The following MESP2 variants were observed in gnomAD, a reference collection of about 807,000 sequenced individuals.
MESP2 encodes the protein mesoderm posterior protein 2.
In MESP2, 34 loss-of-function variants were observed where a neutral mutation model predicts 37.8. The ratio of observed to expected loss-of-function variants is 0.90; its 90% CI spans 0.68 to 1.20. The LOEUF is 1.20. MESP2 is among the 50% of genes most tolerant of loss of function. MESP2 has a pLI of 0.00. For synonymous variants in MESP2, 303 were observed against 251.6 expected (o/e 1.20, Z -1.93); for missense variants, 646 against 545.3 (o/e 1.18, Z -1.84).
chr15:89,776,571 A>C lies in MESP2; in HGVS notation c.214A>C (p.Arg72=). The C allele has an allele frequency of 6.5e-7, 1 of 1,532,096 alleles. No homozygotes were observed. The highest frequency in any genetic ancestry group is 2.5e-5 in the East Asian group (1 of 40,142). 94.9% of individuals were successfully genotyped at this position (1,532,096 alleles called of 1,614,324 possible). A position where few individuals can be genotyped will look rare whatever the true frequency, so the allele number is the denominator to read the frequency against. The change falls in exon 1 of 2, where the codon AGA becomes CGA. Residue 72 remains arginine (R), a synonymous_variant. Coordinates refer to ENST00000341735, the MANE Select transcript of MESP2 (RefSeq NM_001039958.2). ...CGCAGAGGCAGCCGCGACGACGCCCAGACGAGCGCGCACCGGACCAGCGGG... is the reference window on the plus strand; with the variant it reads ...CGCAGAGGCAGCCGCGACGACGCCCCGACGAGCGCGCACCGGACCAGCGGG... ...RAAEAAATTP[R]RARTGPAGGQ...
rs1596154183 is a variant in MESP2 at position 89,776,426 on chromosome 15, C to T, written c.69C>T (p.Gly23=). ...ACTGGATCTTCGCCCAGGGCTGGGG[C>T]TGGGCCGGCCACTGGGACTCCACGT... ...HDHWIFAQGW[G]WAGHWDSTSP... The change falls in exon 1 of 2, where the codon GGC becomes GGT. Residue 23 remains glycine (G), a synonymous_variant. Transcript: ENST00000341735. The T allele has an allele frequency of 1.3e-6, 2 of 1,533,474 alleles. No individual in the cohort carries two copies. Among genetic ancestry groups the T allele is most frequent in the East Asian group, 2.5e-5 (1 of 40,712 alleles). The allele number at this position is 1,533,474 out of a possible 1,614,324, so 95.0% of individuals were successfully genotyped here. A position where few individuals can be genotyped will look rare whatever the true frequency, so the allele number is the denominator to read the frequency against.
At position 89,778,501 on chromosome 15, in the gene MESP2, T is replaced by TGACTCCATCCAG; in HGVS notation, c.*168_*169insACTCCATCCAGG. 4 of 899,432 alleles carry TGACTCCATCCAG rather than the reference T, an allele frequency of 4.4e-6. No homozygotes were observed. The highest frequency in any genetic ancestry group is 2.6e-5 in the East Asian group (1 of 37,854). The allele number at this position is 899,432 out of a possible 1,614,324, so 55.7% of individuals were successfully genotyped here. ...TGAAATAGATAGCGGGTACCTTCCC[T>TGACTCCATCCAG]GGATGGAGTCAGGGCGGGGGCACTG... On this transcript the variant is annotated 3_prime_UTR_variant, in exon 2 of 2. Coordinates refer to ENST00000341735, the MANE Select transcript of MESP2 (RefSeq NM_001039958.2).
chr15:89,776,793 C>G lies in MESP2; in HGVS notation c.436C>G (p.Leu146Val). ...CGTGCTGGGTCTCAGCGAGGAGAGT[C>G]TGCAGTGCCGGCGCAGGCAGCGCGG... ...SAVLGLSEES[L>V]QCRRRQRGDA... is the part of the protein sequence containing the mutation. Residue 146 changes from leucine to valine, a missense_variant, in exon 1 of 2, where the codon CTG becomes GTG. Leu to Val is a conservative substitution (Grantham distance 32). Transcript: ENST00000341735. The G allele has an allele frequency of 6.7e-7, 1 of 1,498,204 alleles. No homozygotes were observed. Among genetic ancestry groups the G allele is most frequent in the Non-Finnish European group, 8.8e-7 (1 of 1,131,596 alleles). The allele number at this position is 1,498,204 out of a possible 1,614,324, so 92.8% of individuals were successfully genotyped here.
Position 89,776,531 on chromosome 15 carries a change from C to T in MESP2, c.174C>T (p.Ser58=). ...GACTCCCGCAGCCACAGCCTCCGAG[C>T]TGCAGCTCCCGAGCCGCAGAGGCAG... The part of the protein sequence containing the change: ...ARGLPQPQPP[S]CSSRAAEAAA... The change falls in exon 1 of 2, where the codon AGC becomes AGT. Residue 58 remains serine (S), a synonymous_variant. Coordinates refer to ENST00000341735, the MANE Select transcript of MESP2 (RefSeq NM_001039958.2). 6.5e-7 allele frequency: 1 copy of T among 1,532,754 alleles called. No homozygotes were observed. Among genetic ancestry groups the T allele is most frequent in the Admixed American group, 2.0e-5 (1 of 50,846 alleles). The allele number at this position is 1,532,754 out of a possible 1,614,324, so 94.9% of individuals were successfully genotyped here. A position where few individuals can be genotyped will look rare whatever the true frequency, so the allele number is the denominator to read the frequency against.
Position 89,776,710 on chromosome 15 carries a change from G to T in MESP2, c.353G>T (p.Ser118Ile). The change falls in exon 1 of 2, where the codon AGC becomes ATC. Residue 118 changes from serine to isoleucine, a missense_variant. Physicochemically the swap from Ser to Ile is moderately radical, Grantham distance 142 (BLOSUM62 -2). Coordinates refer to ENST00000341735, the MANE Select transcript of MESP2 (RefSeq NM_001039958.2). Reference protein sequence around the residue: ...LPPSLAPAGQSLTKIETLRLA... With the variant: ...LPPSLAPAGQILTKIETLRLA... The stretch of plus-strand genomic sequence containing the variant: ...CCCTCCTTGGCGCCGGCCGGCCAGA[G>T]CCTGACCAAGATCGAGACGCTGCGC... 3 of 1,565,178 alleles carry T rather than the reference G, an allele frequency of 1.9e-6. No homozygotes were observed. Among genetic ancestry groups the T allele is most frequent in the Non-Finnish European group, 2.6e-6 (3 of 1,161,614 alleles).
Position 89,776,400 on chromosome 15 carries a change from C to A in MESP2, c.43C>A (p.His15Asn). 1 of 1,532,726 alleles carries A rather than the reference C, an allele frequency of 6.5e-7. No individual in the cohort carries two copies. Among genetic ancestry groups the A allele is most frequent in the South Asian group, 1.2e-5 (1 of 83,528 alleles). The allele number at this position is 1,532,726 out of a possible 1,614,324, so 94.9% of individuals were successfully genotyped here. The change falls in exon 1 of 2, where the codon CAC (histidine) becomes AAC (asparagine). Residue 15 changes from histidine to asparagine, a missense_variant. Coordinates refer to ENST00000341735, the MANE Select transcript of MESP2 (RefSeq NM_001039958.2). ...PPPQSLLGHD[H>N]WIFAQGWGWA... is the part of the protein sequence containing the mutation. ...TCCGCAGAGCCTCCTCGGCCACGAC[C>A]ACTGGATCTTCGCCCAGGGCTGGGG...
At position 89,778,187 on chromosome 15, in the gene MESP2, G is replaced by A. The variant is rs747926651; in HGVS notation, c.1047G>A (p.Val349=). ...GGTGCTGGAGCCACAGTGCAGAGGT[G>A]GTGCCCAACTCAGAGGACCAGGGAC... ...PGRCWSHSAE[V]VPNSEDQGPG... The change falls in exon 2 of 2, where the codon GTG becomes GTA. Residue 349 remains valine (V), a synonymous_variant. Coordinates refer to ENST00000341735, the MANE Select transcript of MESP2 (RefSeq NM_001039958.2). 8.1e-6 allele frequency: 13 copies of A among 1,613,594 alleles called. No homozygotes were observed. Among genetic ancestry groups the A allele is most frequent in the Non-Finnish European group, 1.0e-5 (12 of 1,180,016 alleles).
At position 89,777,067 on chromosome 15, in the gene MESP2, G is replaced by A. The variant is rs1968380529; in HGVS notation, c.710G>A (p.Gly237Glu). Residue 237 changes from glycine (G) to glutamate (E), a missense_variant, in exon 1 of 2, where the codon GGG becomes GAG. Transcript: ENST00000341735. ...PGAQAAPERL[G>E]RGVHDTDPWA... Reference sequence around the variant, plus strand: ...GCCCAAGCCGCACCCGAGCGCCTGGGGAGGGGGGTCCACGACACGGATCCC... The same window carrying A: ...GCCCAAGCCGCACCCGAGCGCCTGGAGAGGGGGGTCCACGACACGGATCCC... The A allele has an allele frequency of 6.2e-7, 1 of 1,610,650 alleles. No individual in the cohort carries two copies. Among genetic ancestry groups the A allele is most frequent in the Non-Finnish European group, 8.5e-7 (1 of 1,179,268 alleles).
At position 89,776,585 on chromosome 15, in the gene MESP2, C is replaced by A. The variant is rs1325785601; in HGVS notation, c.228C>A (p.Thr76=). Residue 76 remains threonine (T), a synonymous_variant, in exon 1 of 2, where the codon ACC becomes ACA. Coordinates refer to ENST00000341735, the MANE Select transcript of MESP2 (RefSeq NM_001039958.2). ...AAATTPRRAR[T]GPAGGQRQSA... ...CGACGACGCCCAGACGAGCGCGCAC[C>A]GGACCAGCGGGCGGACAGCGGCAGA... 7 of 1,528,238 alleles carry A rather than the reference C, an allele frequency of 4.6e-6. No individual in the cohort carries two copies. Among genetic ancestry groups the A allele is most frequent in the South Asian group, 1.2e-5 (1 of 83,100 alleles). 94.7% of individuals were successfully genotyped at this position (1,528,238 alleles called of 1,614,324 possible).
At position 89,776,783 on chromosome 15, in the gene MESP2, C is replaced by A; in HGVS notation, c.426C>A (p.Ser142Arg). 6.6e-7 allele frequency: 1 copy of A among 1,514,914 alleles called. No individual in the cohort carries two copies. Among genetic ancestry groups the A allele is most frequent in the Non-Finnish European group, 8.8e-7 (1 of 1,138,392 alleles). 93.8% of individuals were successfully genotyped at this position (1,514,914 alleles called of 1,614,324 possible). A position where few individuals can be genotyped will look rare whatever the true frequency, so the allele number is the denominator to read the frequency against. The change falls in exon 1 of 2, where the codon AGC (serine) becomes AGA (arginine). Residue 142 changes from serine to arginine, a missense_variant. Transcript: ENST00000341735. ...ACCTATCGGCCGTGCTGGGTCTCAG[C>A]GAGGAGAGTCTGCAGTGCCGGCGCA... ...IGHLSAVLGL[S>R]EESLQCRRRQ...
At chr15:89,777,818 T>C (rs896148524) in intron 1 of MESP2, among the ~76,000 whole-genome samples, 4 of 152,200 alleles carry the variant, frequency 2.6e-5, no homozygotes, top group African/African-American at 9.7e-5. Flanking sequence ...ATCTCTATTT[T>C]ACAGGTGAGA....
At position 89,776,728 on chromosome 15, in the gene MESP2, C is replaced by G; in HGVS notation, c.371C>G (p.Thr124Arg). The change falls in exon 1 of 2, where the codon ACG (threonine) becomes AGG (arginine). Residue 124 changes from threonine to arginine, a missense_variant. By Grantham distance (71) the Thr-to-Arg change is moderately conservative. Coordinates refer to ENST00000341735, the MANE Select transcript of MESP2 (RefSeq NM_001039958.2). ...GGCCAGAGCCTGACCAAGATCGAGA[C>G]GCTGCGCCTGGCCATCCGCTACATC... ...PAGQSLTKIETLRLAIRYIGH... is the reference protein window; with the variant it reads ...PAGQSLTKIERLRLAIRYIGH... 1 of 1,558,056 alleles carries G rather than the reference C, an allele frequency of 6.4e-7. No individual in the cohort carries two copies. Among genetic ancestry groups the G allele is most frequent in the Non-Finnish European group, 8.6e-7 (1 of 1,157,970 alleles).
In MESP2 at chr15:89,776,372, T is replaced by G; in HGVS notation, c.15T>G (p.Pro5=). ...GCAGCCCGGCCATGGCCCAGTCGCC[T>G]CCTCCGCAGAGCCTCCTCGGCCACG... MAQS[P]PPQSLLGHDH... Residue 5 remains proline, a synonymous_variant, in exon 1 of 2, where the codon CCT becomes CCG. Transcript: ENST00000341735. 6.5e-7 allele frequency: 1 copy of G among 1,531,946 alleles called. No individual in the cohort carries two copies. The highest frequency in any genetic ancestry group is 8.7e-7 in the Non-Finnish European group (1 of 1,145,870). 94.9% of individuals were successfully genotyped at this position (1,531,946 alleles called of 1,614,324 possible). A position where few individuals can be genotyped will look rare whatever the true frequency, so the allele number is the denominator to read the frequency against.
chr15:89,777,954 C>A (rs1234591834), intron 1 of MESP2, 111 bp from the exon 2 acceptor site: 8 of 1,493,114 alleles, frequency 5.4e-6, no homozygotes, highest in Non-Finnish European at 7.4e-6. Context: ...GCATTCATGG[C>A]ACCAGGGCTG....
chr15:89,777,423 T>G, intron 1 of MESP2, 142 bp downstream of exon 1: 1 of 971,928 alleles, frequency 1.0e-6, no homozygotes, highest in Non-Finnish European at 1.5e-6. Flanking sequence ...GGAGAAGAGA[T>G]GGGACCCTGG....
chr15:89,778,255 G>A lies in MESP2; in HGVS notation c.1115G>A (p.Ser372Asn). The change falls in exon 2 of 2, where the codon AGC (serine) becomes AAC (asparagine). Residue 372 changes from serine (S) to asparagine (N), a missense_variant. By Grantham distance (46) the Ser-to-Asn change is conservative. Transcript: ENST00000341735. ...CTCAGTGAAGCAAGCCCTCCCCAGAGCTCAGGCCTGCGGTTCAGTGGCTGC... is the reference window on the plus strand; with the variant it reads ...CTCAGTGAAGCAAGCCCTCCCCAGAACTCAGGCCTGCGGTTCAGTGGCTGC... ...FQLSEASPPQ[S>N]SGLRFSGCPE... 1 of 1,613,314 alleles carries A rather than the reference G, an allele frequency of 6.2e-7. No homozygotes were observed. Among genetic ancestry groups the A allele is most frequent in the South Asian group, 1.1e-5 (1 of 91,082 alleles).
In MESP2 at chr15:89,776,492, C is replaced by G; in HGVS notation, c.135C>G (p.Cys45Trp). ...CCGATTCGTCGGGTTCGTGCCCCTG[C>G]GACGGCGCCCGCGGACTCCCGCAGC... ...SSSDSSGSCP[C>W]DGARGLPQPQ... Residue 45 changes from cysteine to tryptophan, a missense_variant, in exon 1 of 2, where the codon TGC (cysteine) becomes TGG (tryptophan). Coordinates refer to ENST00000341735, the MANE Select transcript of MESP2 (RefSeq NM_001039958.2). 6.5e-7 allele frequency: 1 copy of G among 1,533,502 alleles called. No individual in the cohort carries two copies. The highest frequency in any genetic ancestry group is 8.7e-7 in the Non-Finnish European group (1 of 1,145,808). 95.0% of individuals were successfully genotyped at this position (1,533,502 alleles called of 1,614,324 possible).
rs1305331185 is a variant in MESP2 at position 89,776,522 on chromosome 15, G to T, written c.165G>T (p.Gln55His). The change falls in exon 1 of 2, where the codon CAG becomes CAT. Residue 55 changes from glutamine to histidine, a missense_variant. Gln to His is a conservative substitution (Grantham distance 24, BLOSUM62 0). Coordinates refer to ENST00000341735, the MANE Select transcript of MESP2 (RefSeq NM_001039958.2). ...CDGARGLPQP[Q>H]PPSCSSRAAE... is the part of the protein sequence containing the mutation. ...GCGCCCGCGGACTCCCGCAGCCACA[G>T]CCTCCGAGCTGCAGCTCCCGAGCCG... 2.0e-6 allele frequency: 3 copies of T among 1,532,994 alleles called. No homozygotes were observed. The highest frequency in any genetic ancestry group is 2.6e-6 in the Non-Finnish European group (3 of 1,145,644). The allele number at this position is 1,532,994 out of a possible 1,614,324, so 95.0% of individuals were successfully genotyped here.
Position 89,776,500 on chromosome 15 carries a change from C to T in MESP2, c.143C>T (p.Ala48Val). Residue 48 changes from alanine (A) to valine (V), a missense_variant, in exon 1 of 2, where the codon GCC becomes GTC. By Grantham distance (64) the Ala-to-Val change is moderately conservative (BLOSUM62 0). Coordinates refer to ENST00000341735, the MANE Select transcript of MESP2 (RefSeq NM_001039958.2). ...DSSGSCPCDG[A>V]RGLPQPQPPS... is the part of the protein sequence containing the mutation. ...TCGGGTTCGTGCCCCTGCGACGGCG[C>T]CCGCGGACTCCCGCAGCCACAGCCT... 2 of 1,533,336 alleles carry T rather than the reference C, an allele frequency of 1.3e-6. No individual in the cohort carries two copies. The highest frequency in any genetic ancestry group is 8.7e-7 in the Non-Finnish European group (1 of 1,145,762). 95.0% of individuals were successfully genotyped at this position (1,533,336 alleles called of 1,614,324 possible).
Sources: gnomAD v4.1 joint callset for allele counts (sites outside exome capture counted in the v4.1 genomes callset) on GRCh38, gnomAD v4.1.1 for gene constraint, MANE v1.5 for transcripts, NCBI Gene and HGNC (gene_info 2026-07-23, HGNC 2026-07-21) for gene names.